Variants in CALD1 observed in about 807,000 individuals in gnomAD.
The protein encoded by CALD1 is caldesmon 1.
In CALD1, 33 loss-of-function variants were observed where a neutral mutation model predicts 99.9. The observed-to-expected ratio is 0.33, with a 90% confidence interval of 0.25 to 0.44. The LOEUF is 0.44. Ranked by LOEUF, CALD1 falls within the 20% of genes least tolerant of loss-of-function variation. CALD1 has a pLI of 1.00. For synonymous variants in CALD1, 310 were observed against 325.0 expected, an observed-to-expected ratio of 0.95 and a Z score of 0.50; for missense variants, 861 against 962.1, an observed-to-expected ratio of 0.89 and a Z score of 1.39.
intron 5 of CALD1, 78 bp downstream of exon 5, chr7:134,934,155 A>T: frequency 6.5e-7 from 1 of 1,540,526 alleles, no homozygotes; most frequent in Non-Finnish European, 8.7e-7. Flanking sequence ...TTTGGGACTG[A>T]GGCCACATGC....
intron 3 of CALD1, among the ~76,000 whole-genome samples, chr7:134,892,114 C>T (rs768195463): frequency 1.3e-5 from 2 of 152,140 alleles, no homozygotes; most frequent in African/African-American, 2.4e-5. Context: ...AGCCAAAGCC[C>T]TCAATATACT....
chr7:134,792,415 G>A (rs1043730502), intron 1 of CALD1, among the ~76,000 whole-genome samples: 13 of 150,102 alleles, frequency 8.7e-5, no homozygotes, highest in Non-Finnish European at 1.5e-4. Flanking sequence ...TTGGCCTCCC[G>A]AGTAGCTGGG....
chr7:134,882,680 A>G (rs1801661053), intron 3 of CALD1, among the ~76,000 whole-genome samples: 1 of 152,248 alleles, frequency 6.6e-6, no homozygotes, highest in Non-Finnish European at 1.5e-5. Flanking sequence ...GGGCAGAAGT[A>G]GGATAAGGGT....
chr7:134,957,826 A>ATT lies in CALD1; in HGVS notation c.1936-231_1936-230dup, dbSNP rs200354951. Among the ~76,000 whole-genome samples, 139 of 145,004 alleles carry ATT rather than the reference A, an allele frequency of 9.6e-4. 1 individual carries two copies. Among genetic ancestry groups the ATT allele is most frequent in the African/African-American group, 3.0e-3 (119 of 39,916 alleles). On this transcript the variant is annotated intron_variant, in intron 9 of 14. Transcript: ENST00000361675. ...GTCTTTATTTTGCCTTGAAAACTTG[A>ATT]TTTTTTTTTTTTTACACGTTTTCTC... is the stretch of plus-strand genomic sequence containing the variant.
intron 3 of CALD1, chr7:134,920,843 G>C: frequency 2.3e-6 from 1 of 442,564 alleles, no homozygotes; most frequent in Non-Finnish European, 4.0e-6. Context: ...GGAATGTGCA[G>C]AAACAATTAA....
chr7:134,858,494 C>T lies in CALD1; in HGVS notation c.-41-9199C>T, dbSNP rs188361293. ...ATTGTAAGGTCTTTGAAGACAGAAA[C>T]CATATCTAACATACCTTCATGTCTC... On this transcript the variant is annotated intron_variant, in intron 2 of 14. Coordinates refer to ENST00000361675, the MANE Select transcript of CALD1 (RefSeq NM_033138.4). 5.4e-3 allele frequency among the ~76,000 whole-genome samples: 820 copies of T among 152,192 alleles called. 6 individuals carry two copies. Among genetic ancestry groups the T allele is most frequent in the Non-Finnish European group, 8.7e-3 (592 of 68,002 alleles).
intron 1 of CALD1, among the ~76,000 whole-genome samples, chr7:134,780,613 CA>C (rs1345824408): frequency 1.3e-5 from 2 of 152,018 alleles, no homozygotes; most frequent in African/African-American, 4.8e-5. Context: ...GTGTCTGAAA[CA>C]GTAGTACAAG....
At chr7:134,955,643 A>T (rs1461039909) in intron 9 of CALD1, among the ~76,000 whole-genome samples, 1 of 152,196 alleles carries the variant, frequency 6.6e-6, no homozygotes, top group African/African-American at 2.4e-5. Flanking sequence ...TCCTGTAGGG[A>T]TAACAATCCT....
At chr7:134,744,099 G>A (rs79957706), upstream of CALD1, among the ~76,000 whole-genome samples, 678 of 152,356 alleles carry the variant, frequency 4.5e-3, 3 homozygotes, top group African/African-American at 0.016. Context: ...GAGAGAAGAT[G>A]CAAGAACAGG....
At chr7:134,862,696 G>A (rs1415257912) in intron 2 of CALD1, among the ~76,000 whole-genome samples, 1 of 152,200 alleles carries the variant, frequency 6.6e-6, no homozygotes, top group Non-Finnish European at 1.5e-5. Context: ...GTGCAACAAA[G>A]AGTGAACCTT....
At chr7:134,923,885 T>C (rs145023232) in intron 3 of CALD1, among the ~76,000 whole-genome samples, 1 of 152,224 alleles carries the variant, frequency 6.6e-6, no homozygotes, top group Non-Finnish European at 1.5e-5. Context: ...TTCTGAGAAG[T>C]TTTCCTAAGT....
intron 3 of CALD1, among the ~76,000 whole-genome samples, chr7:134,882,716 T>A (rs778868221): frequency 3.9e-5 from 6 of 152,226 alleles, no homozygotes; most frequent in Non-Finnish European, 8.8e-5. Context: ...CATGTATTTA[T>A]CAACATTCTT....
At chr7:134,948,679 GA>G (rs1013870904) in intron 8 of CALD1, among the ~76,000 whole-genome samples, 3 of 149,638 alleles carry the variant, frequency 2.0e-5, no homozygotes, top group East Asian at 1.9e-4. Flanking sequence ...AAAATATGAA[GA>G]AAAAAAAAGA....
chr7:134,867,875 C>A (rs552293219), intron 3 of CALD1, 71 bp downstream of exon 3: 12 of 951,786 alleles, frequency 1.3e-5, no homozygotes, highest in Admixed American at 4.8e-5. Flanking sequence ...CAAAGACCAT[C>A]CTTTTGAGAG....
intron 1 of CALD1, among the ~76,000 whole-genome samples, chr7:134,810,458 T>G (rs1040989187): frequency 6.6e-6 from 1 of 152,174 alleles, no homozygotes; most frequent in Non-Finnish European, 1.5e-5. Context: ...GTAGGGTACA[T>G]GCATGCTGTT....
intron 1 of CALD1, among the ~76,000 whole-genome samples, chr7:134,761,542 C>T (rs1796778634): frequency 6.6e-6 from 1 of 152,200 alleles, no homozygotes; most frequent in Non-Finnish European, 1.5e-5. Flanking sequence ...GTTTACAAAG[C>T]ATGTTCACAT....
chr7:134,778,744 C>T (rs1157067265), upstream of CALD1, among the ~76,000 whole-genome samples: 1 of 152,218 alleles, frequency 6.6e-6, no homozygotes, highest in African/African-American at 2.4e-5. Context: ...ATATATGCAT[C>T]TGTCTACCCC....
chr7:134,907,836 C>T (rs913037222), intron 3 of CALD1, among the ~76,000 whole-genome samples: 2 of 152,054 alleles, frequency 1.3e-5, no homozygotes, highest in African/African-American at 2.4e-5. Flanking sequence ...TCCTTCTGGC[C>T]GCTGCCAGTG....
intron 1 of CALD1, among the ~76,000 whole-genome samples, chr7:134,795,866 C>T (rs2131807189): frequency 6.6e-6 from 1 of 152,330 alleles, no homozygotes; most frequent in South Asian, 2.1e-4. Flanking sequence ...CCAGAGAGCT[C>T]CCTACGACCC....
Sources: allele counts gnomAD v4.1 joint callset (sites outside exome capture counted in the v4.1 genomes callset), GRCh38; gene constraint gnomAD v4.1.1; transcripts MANE v1.5; gene names NCBI Gene and HGNC (gene_info 2026-07-23, HGNC 2026-07-21).